R3HCC1L: variants seen among roughly 807,000 people sequenced by gnomAD.
R3HCC1L encodes the protein coiled-coil domain-containing protein R3HCC1L.
Under a neutral mutation model 59.9 loss-of-function variants are expected in R3HCC1L, and 51 were observed. The observed-to-expected ratio is 0.85, with a 90% confidence interval of 0.68 to 1.07. R3HCC1L has a LOEUF of 1.07. R3HCC1L is among the 50% of genes least tolerant of loss of function. R3HCC1L has a pLI of 0.00. For missense variants in R3HCC1L, 965 were observed against 933.0 expected (o/e 1.03, Z -0.45); for synonymous variants, 322 against 315.2 (o/e 1.02, Z -0.23).
chr10:98,184,574 C>T (rs903542875), intron 4 of R3HCC1L, among the ~76,000 whole-genome samples: 11 of 152,140 alleles, frequency 7.2e-5, no homozygotes, highest in East Asian at 1.9e-4. Flanking sequence ...AATCACCTGA[C>T]AATGCATTTC....
chr10:98,235,382 A>C, intron 7 of R3HCC1L, 43 bp from the exon 8 acceptor site: 1 of 1,540,194 alleles, frequency 6.5e-7, no homozygotes, highest in Non-Finnish European at 9.0e-7. Context: ...CCTTTGCATC[A>C]CTCTACTTCA....
intron 4 of R3HCC1L, among the ~76,000 whole-genome samples, chr10:98,191,162 T>C (rs1028288278): frequency 3.3e-5 from 5 of 152,358 alleles, no homozygotes; most frequent in Admixed American, 2.0e-4. Context: ...CCTTTGGGTA[T>C]GTACCCAGTA....
chr10:98,137,006 C>T (rs1844660075), intron 1 of R3HCC1L, among the ~76,000 whole-genome samples: 1 of 152,004 alleles, frequency 6.6e-6, no homozygotes, highest in Non-Finnish European at 1.5e-5. Flanking sequence ...GTCAGGAGGT[C>T]GAGACCATCC....
chr10:98,155,947 T>C (rs1400507617), intron 1 of R3HCC1L, 146 bp from the exon 2 acceptor site: 3 of 152,196 alleles, frequency 2.0e-5, no homozygotes, highest in Non-Finnish European at 4.4e-5. Context: ...GTTAATGTTA[T>C]ATTTACATTA....
At chr10:98,169,846 C>T (rs1314036545) in intron 4 of R3HCC1L, among the ~76,000 whole-genome samples, 1 of 149,928 alleles carries the variant, frequency 6.7e-6, no homozygotes, top group South Asian at 2.1e-4. Context: ...ACTAACAGCT[C>T]GAAGAATTGT....
chr10:98,207,200 C>T (rs778862795), intron 4 of R3HCC1L, among the ~76,000 whole-genome samples: 6 of 152,116 alleles, frequency 3.9e-5, no homozygotes, highest in African/African-American at 1.4e-4. Context: ...TATAGCACCT[C>T]CTTATTCTCT....
Position 98,208,872 on chromosome 10 carries a change from CA to C in R3HCC1L, c.759del (p.Asp254MetfsTer4). ...ATTGTACAACAAAGCATGCAAACAT[CA>C]GATGGAATATTGAATCCCAGCAGCG... ...SEIVQQSMQT[S>X]DGILNPSSGG... On this transcript the variant is annotated frameshift_variant, in exon 5 of 10. Transcript: ENST00000298999. LOFTEE classifies it high-confidence loss of function. 6.2e-7 allele frequency: 1 copy of C among 1,614,128 alleles called. No individual in the cohort carries two copies. The highest frequency in any genetic ancestry group is 1.3e-5 in the African/African-American group (1 of 75,042).
rs796696558 is a variant in R3HCC1L, at chr10:98,207,711, G to GA, written c.-14-379dup. ...GAACAACAACAACAAAAAAATTAAA[G>GA]AAAAAAAAAAAGGCCGGGCACAGTG... On this transcript the variant is annotated intron_variant, in intron 4 of 9. Transcript: ENST00000298999. Among the ~76,000 whole-genome samples, 932 of 141,434 alleles carry GA rather than the reference G, an allele frequency of 6.6e-3. 7 individuals are homozygous for GA. Among genetic ancestry groups the GA allele is most frequent in the African/African-American group, 0.022 (861 of 38,706 alleles). The allele number at this position is 141,434 out of a possible 152,430, so 92.8% of individuals were successfully genotyped here.
Position 98,209,621 on chromosome 10 carries a change from A to T in R3HCC1L, c.1507A>T (p.Ser503Cys). ...AAATGGGACAAAAGTTCTTTCAGACAGTGCCGTGGGCATTGACCTGGGTAG... is the reference window on the plus strand; with the variant it reads ...AAATGGGACAAAAGTTCTTTCAGACTGTGCCGTGGGCATTGACCTGGGTAG... ...MLNGTKVLSD[S>C]AVGIDLGSTG... Residue 503 changes from serine (S) to cysteine (C), a missense_variant, in exon 5 of 10, where the codon AGT becomes TGT. Ser to Cys is a moderately radical substitution (Grantham distance 112, BLOSUM62 -1). Coordinates refer to ENST00000298999, the MANE Select transcript of R3HCC1L (RefSeq NM_001351015.2). 1 of 1,614,080 alleles carries T rather than the reference A, an allele frequency of 6.2e-7. No homozygotes were observed. Among genetic ancestry groups the T allele is most frequent in the Non-Finnish European group, 8.5e-7 (1 of 1,179,966 alleles).
chr10:98,138,091 G>C (rs907110325), intron 1 of R3HCC1L, among the ~76,000 whole-genome samples: 3 of 152,134 alleles, frequency 2.0e-5, no homozygotes, highest in Non-Finnish European at 4.4e-5. Context: ...AAAATGGTTT[G>C]TTGGTCAAGG....
intron 9 of R3HCC1L, among the ~76,000 whole-genome samples, chr10:98,236,371 C>T (rs1856962496): frequency 6.6e-6 from 1 of 152,194 alleles, no homozygotes. Context: ...ACATTCTAAT[C>T]CACGCTCCTA....
chr10:98,215,048 C>T (rs1259352852), intron 5 of R3HCC1L, among the ~76,000 whole-genome samples: 1 of 152,198 alleles, frequency 6.6e-6, no homozygotes, highest in Non-Finnish European at 1.5e-5. Context: ...CTCCTGGTTT[C>T]TAGCCCTGCG....
intron 1 of R3HCC1L, among the ~76,000 whole-genome samples, chr10:98,153,813 A>G (rs1846537175): frequency 1.3e-5 from 2 of 152,050 alleles, no homozygotes; most frequent in African/African-American, 2.4e-5. Context: ...CAAAAAAAAA[A>G]AAAAAAGAAA....
At chr10:98,218,413 C>T (rs770697989) in intron 5 of R3HCC1L, among the ~76,000 whole-genome samples, 12 of 151,670 alleles carry the variant, frequency 7.9e-5, no homozygotes, top group Admixed American at 1.3e-4. Flanking sequence ...GATGATTCAA[C>T]GTATGCAAGT....
At chr10:98,176,545 A>G (rs145533952) in intron 4 of R3HCC1L, among the ~76,000 whole-genome samples, 74 of 152,300 alleles carry the variant, frequency 4.9e-4, no homozygotes, top group African/African-American at 1.7e-3. Context: ...TTGATAGAAT[A>G]TAGAACTGCT....
Position 98,197,802 on chromosome 10 carries a change from G to A in R3HCC1L, c.-14-10299G>A, listed in dbSNP as rs1376500257. 2.6e-5 allele frequency among the ~76,000 whole-genome samples: 4 copies of A among 152,270 alleles called. No individual in the cohort carries two copies. The East Asian group carries it at 7.7e-4, about 29-fold the overall frequency. ...AATGAAAGTGTATGTATGTAAAGGTGTATGTATAGTGGAAACTTACAGGAA... is the reference window on the plus strand; with the variant it reads ...AATGAAAGTGTATGTATGTAAAGGTATATGTATAGTGGAAACTTACAGGAA... On this transcript the variant is annotated intron_variant, in intron 4 of 9. Coordinates refer to ENST00000298999, the MANE Select transcript of R3HCC1L (RefSeq NM_001351015.2).
chr10:98,235,634 A>G, intron 8 of R3HCC1L, 114 bp downstream of exon 8: 1 of 823,922 alleles, frequency 1.2e-6, no homozygotes, highest in Admixed American at 3.4e-5. Flanking sequence ...TTTAGTGTTA[A>G]AAGAAATATG....
intron 4 of R3HCC1L, among the ~76,000 whole-genome samples, chr10:98,193,310 G>A (rs888090450): frequency 6.6e-6 from 1 of 151,802 alleles, no homozygotes; most frequent in African/African-American, 2.4e-5. Context: ...CATCCAAATT[G>A]GAAAGGAGGA....
intron 2 of R3HCC1L, among the ~76,000 whole-genome samples, 180 bp downstream of exon 2, chr10:98,156,327 G>A (rs1296793525): frequency 6.6e-6 from 1 of 152,204 alleles, no homozygotes; most frequent in Non-Finnish European, 1.5e-5. Context: ...GAGGATGACA[G>A]CCTTCAGCAT....
Sources: allele counts gnomAD v4.1 joint callset (sites outside exome capture counted in the v4.1 genomes callset), GRCh38; gene constraint gnomAD v4.1.1; transcripts MANE v1.5; gene names NCBI Gene and HGNC (gene_info 2026-07-23, HGNC 2026-07-21).